SVOP: variants seen among roughly 807,000 people sequenced by gnomAD.
SVOP encodes SV2 related protein.
In SVOP, 17 loss-of-function variants were observed where a neutral mutation model predicts 69.1. The observed-to-expected ratio is 0.25, with a 90% CI of 0.17 to 0.37. SVOP has a LOEUF of 0.37. SVOP is among the 10% of genes least tolerant of loss of function. The pLI is 1.00. For synonymous variants in SVOP, 238 were observed against 238.6 expected (o/e 1.00, Z 0.02); for missense variants, 435 against 597.5 (o/e 0.73, Z 2.84).
intron 8 of SVOP, among the ~76,000 whole-genome samples, chr12:108,939,632 C>A (rs1371224771): frequency 6.6e-6 from 1 of 152,214 alleles, no homozygotes; most frequent in African/African-American, 2.4e-5. Context: ...AGTCAATTAG[C>A]CCCTCTGGGC....
At chr12:109,016,302 C>T (rs1287739178) in intron 1 of SVOP, among the ~76,000 whole-genome samples, 1 of 152,218 alleles carries the variant, frequency 6.6e-6, no homozygotes, top group East Asian at 1.9e-4. Context: ...TCAGTTTCCA[C>T]ATTTTTACCT....
intron 5 of SVOP, among the ~76,000 whole-genome samples, chr12:108,962,828 A>G (rs1179746825): frequency 6.6e-6 from 1 of 151,856 alleles, no homozygotes; most frequent in Non-Finnish European, 1.5e-5. Flanking sequence ...AGCCAGGTGG[A>G]GTGGCGGGTG....
chr12:108,946,861 G>A (rs1397603112), intron 6 of SVOP, among the ~76,000 whole-genome samples: 1 of 151,968 alleles, frequency 6.6e-6, no homozygotes, highest in Non-Finnish European at 1.5e-5. Flanking sequence ...TGAGATTACA[G>A]TTGCCTGCCA....
At chr12:108,974,730 CA>C (rs368207920) in intron 4 of SVOP, among the ~76,000 whole-genome samples, 12 of 148,966 alleles carry the variant, frequency 8.1e-5, no homozygotes, top group Non-Finnish European at 8.9e-5. Flanking sequence ...GACCCTATTT[CA>C]AAAAAAAAAT....
intron 11 of SVOP, among the ~76,000 whole-genome samples, chr12:108,923,088 G>A (rs1295845369): frequency 1.3e-5 from 2 of 152,216 alleles, no homozygotes; most frequent in South Asian, 2.1e-4. Context: ...GAATTGGCAC[G>A]TAGTAGGCAC....
chr12:108,937,435 A>ATTTGAGACCT, intron 9 of SVOP, 98 bp from the exon 10 acceptor site: 1 of 1,182,774 alleles, frequency 8.5e-7, no homozygotes, highest in Non-Finnish European at 1.3e-6. Flanking sequence ...GCTGGGAGGA[A>ATTTGAGACCT]GGTTTCTAGT....
At chr12:108,918,197 G>C in intron 13 of SVOP, 73 bp from the exon 14 acceptor site, 1 of 1,295,002 alleles carries the variant, frequency 7.7e-7, no homozygotes, top group Non-Finnish European at 1.1e-6. Flanking sequence ...TATCTTCCCA[G>C]GCAGTATCAA....
intron 2 of SVOP, among the ~76,000 whole-genome samples, chr12:108,982,641 TCAC>T (rs2040143612): frequency 6.6e-6 from 1 of 151,314 alleles, no homozygotes; most frequent in Non-Finnish European, 1.5e-5. Context: ...ATCATCATCA[TCAC>T]CATCACCATC....
intron 11 of SVOP, among the ~76,000 whole-genome samples, chr12:108,929,623 G>T (rs2039803360): frequency 6.6e-6 from 1 of 152,126 alleles, no homozygotes; most frequent in Non-Finnish European, 1.5e-5. Flanking sequence ...TATCAAGTCG[G>T]TTTAACCAGA....
rs2040299005 is a variant in SVOP, at chr12:109,005,182, A to G, written c.35+15652T>C. Among the ~76,000 whole-genome samples, 4 of 152,202 alleles carry G rather than the reference A, an allele frequency of 2.6e-5. 1 individual carries two copies. Among genetic ancestry groups the G allele is most frequent in the Admixed American group, 2.6e-4 (4 of 15,268 alleles). ...ATCTGTGTGTGGAATTCAGAGTCAGAGAGGTGGTCCATCGGAGTAGACAAG... is the reference window on the plus strand; with the variant it reads ...ATCTGTGTGTGGAATTCAGAGTCAGGGAGGTGGTCCATCGGAGTAGACAAG... On this transcript the variant is annotated intron_variant, in intron 1 of 15. Transcript: ENST00000610966.
At chr12:108,948,636 G>C (rs2039937641) in intron 6 of SVOP, among the ~76,000 whole-genome samples, 1 of 152,188 alleles carries the variant, frequency 6.6e-6, no homozygotes, top group African/African-American at 2.4e-5. Flanking sequence ...TGAAGTCTTT[G>C]TCTTCACATT....
At chr12:108,953,709 A>G (rs900329927) in intron 6 of SVOP, among the ~76,000 whole-genome samples, 3 of 152,204 alleles carry the variant, frequency 2.0e-5, no homozygotes, top group African/African-American at 7.2e-5. Flanking sequence ...CATTATTTTT[A>G]TGTAAGTGGA....
Position 108,960,945 on chromosome 12 carries a change from C to T in SVOP, c.556G>A (p.Gly186Arg). 4 of 1,537,106 alleles carry T rather than the reference C, an allele frequency of 2.6e-6. No individual in the cohort carries two copies. The highest frequency in any genetic ancestry group is 3.5e-6 in the Non-Finnish European group (4 of 1,146,844). Reference sequence around the variant, plus strand: ...TACGACTGGGGAACTCCTCCGATCCCGAAGCCCACCAGGCCCCGGAGCACC... The same window carrying T: ...TACGACTGGGGAACTCCTCCGATCCTGAAGCCCACCAGGCCCCGGAGCACC... Reference protein sequence around the residue: ...ILVLRGLVGFGIGGVPQSVTL... With the variant: ...ILVLRGLVGFRIGGVPQSVTL... Residue 186 changes from glycine to arginine, a missense_variant, in exon 6 of 16, where the codon GGG becomes AGG. Gly to Arg is a moderately radical substitution (Grantham distance 125). Transcript: ENST00000610966.
intron 7 of SVOP, among the ~76,000 whole-genome samples, chr12:108,944,042 C>T (rs1318384238): frequency 1.3e-5 from 2 of 152,042 alleles, no homozygotes; most frequent in African/African-American, 4.8e-5. Flanking sequence ...CCACACCTGA[C>T]TAACTTTTTG....
intron 1 of SVOP, among the ~76,000 whole-genome samples, chr12:109,014,247 T>G (rs1287663878): frequency 6.6e-6 from 1 of 152,140 alleles, no homozygotes; most frequent in Non-Finnish European, 1.5e-5. Flanking sequence ...AACTCCTGCC[T>G]TGGCCTTCCA....
intron 8 of SVOP, 151 bp downstream of exon 8, chr12:108,940,633 C>A: frequency 8.2e-7 from 1 of 1,219,010 alleles, no homozygotes; most frequent in Non-Finnish European, 1.1e-6. Flanking sequence ...GGGGCTACCC[C>A]AGGCCATAGC....
chr12:108,965,364 G>A (rs1340791156), intron 5 of SVOP, among the ~76,000 whole-genome samples: 1 of 152,142 alleles, frequency 6.6e-6, no homozygotes, highest in Non-Finnish European at 1.5e-5. Flanking sequence ...TAGAGCCTTT[G>A]ATGGCTCCCT....
rs1593213705 is a variant in SVOP at position 109,020,913 on chromosome 12, G to GGCCA, written c.-46_-45insTGGC. 1 of 711,034 alleles carries GGCCA rather than the reference G, an allele frequency of 1.4e-6. No homozygotes were observed. Among genetic ancestry groups the GGCCA allele is most frequent in the Admixed American group, 2.0e-5 (1 of 48,950 alleles). 44.0% of individuals were successfully genotyped at this position (711,034 alleles called of 1,614,324 possible). ...GAGCCCTTCTCATGGCCCTTACATG[G>GGCCA]TAGTGGTGGATGACGAGCCCTCCGG... On this transcript the variant is annotated 5_prime_UTR_variant, in exon 1 of 16. In the 5' UTR this introduces an upstream ATG that the reference lacks. Transcript: ENST00000610966.
chr12:108,964,413 A>G (rs2040033746), intron 5 of SVOP, among the ~76,000 whole-genome samples: 1 of 151,570 alleles, frequency 6.6e-6, no homozygotes, highest in African/African-American at 2.4e-5. Context: ...CTTGGAATCC[A>G]AGGAGTCTTG....
Sources: allele counts gnomAD v4.1 joint callset (sites outside exome capture counted in the v4.1 genomes callset), GRCh38; gene constraint gnomAD v4.1.1; transcripts MANE v1.5; gene names NCBI Gene and HGNC (gene_info 2026-07-23, HGNC 2026-07-21).